Variants in OGDH observed in about 807,000 individuals in gnomAD.
OGDH encodes the protein 2-oxoglutarate dehydrogenase complex component E1.
In OGDH, 38 loss-of-function variants were observed where a neutral mutation model predicts 116.6. The observed-to-expected ratio is 0.33, with a 90% CI of 0.25 to 0.43. The LOEUF is 0.43. Among genes scored for constraint, OGDH ranks in the 20% least tolerant of loss-of-function variants. The pLI is 1.00. For missense variants in OGDH, 825 were observed against 1,357.2 expected (o/e 0.61, Z 6.16); for synonymous variants, 488 against 533.3 (o/e 0.92, Z 1.17).
chr7:44,632,616 G>T (rs1033161624), intron 2 of OGDH, among the ~76,000 whole-genome samples: 13 of 145,656 alleles, frequency 8.9e-5, no homozygotes, highest in East Asian at 2.6e-4. Context: ...GTTTTTTGTT[G>T]TTGTTGTTAT....
intron 9 of OGDH, chr7:44,676,614 G>GTA (rs71858267): frequency 0.039 from 5,076 of 130,864 alleles, 104 homozygotes; most frequent in Non-Finnish European, 0.048. Context: ...GTGTGTGTGT[G>GTA]TATATATATA....
intron 10 of OGDH, among the ~76,000 whole-genome samples, chr7:44,685,262 C>G (rs748223254): frequency 2.6e-5 from 4 of 152,168 alleles, no homozygotes; most frequent in Non-Finnish European, 5.9e-5. Flanking sequence ...AACATGAACT[C>G]CGAGTCCTTG....
intron 19 of OGDH, among the ~76,000 whole-genome samples, chr7:44,701,278 A>AGG (rs1157126022): frequency 6.6e-6 from 1 of 152,176 alleles, no homozygotes; most frequent in Non-Finnish European, 1.5e-5. Context: ...ACAGAGAAGC[A>AGG]GGGAAGGGAG....
intron 2 of OGDH, among the ~76,000 whole-genome samples, chr7:44,644,594 C>T (rs1585274945): frequency 1.3e-5 from 2 of 152,180 alleles, no homozygotes; most frequent in East Asian, 3.8e-4. Context: ...CACTAAGAGC[C>T]TACCTCTTGA....
chr7:44,675,854 G>A (rs138295473), intron 8 of OGDH, 116 bp from the exon 9 acceptor site: 52,638 of 1,072,900 alleles, frequency 0.049, 1,460 homozygotes, highest in East Asian at 0.069. Context: ...TCCAACCTGG[G>A]CAACAAGAGC....
chr7:44,701,781 G>T (rs776494562), intron 20 of OGDH, among the ~76,000 whole-genome samples, 166 bp downstream of exon 20: 1 of 152,144 alleles, frequency 6.6e-6, no homozygotes, highest in Middle Eastern at 3.2e-3. Flanking sequence ...AGTGGCTCAC[G>T]CCTGTAATCC....
chr7:44,614,740 A>G (rs1180076664), intron 1 of OGDH, among the ~76,000 whole-genome samples: 1 of 151,936 alleles, frequency 6.6e-6, no homozygotes, highest in African/African-American at 2.4e-5. Context: ...CCTCTTTTAG[A>G]ATCTTTGTCA....
At position 44,624,312 on chromosome 7, in the gene OGDH, T is replaced by TTTCA; in HGVS notation, c.-27-5_-27-4insTTCA. 2 of 1,255,816 alleles carry TTTCA rather than the reference T, an allele frequency of 1.6e-6. No individual in the cohort carries two copies. Among genetic ancestry groups the TTTCA allele is most frequent in the Non-Finnish European group, 2.2e-6 (2 of 905,954 alleles). The allele number at this position is 1,255,816 out of a possible 1,614,324, so 77.8% of individuals were successfully genotyped here. A position where few individuals can be genotyped will look rare whatever the true frequency, so the allele number is the denominator to read the frequency against. ...TCTTGTTTTTTTTTTTTTTTTTTTGTACAGGCAGTTGTGAAAAACTTCAGG... is the reference window on the plus strand; with the variant it reads ...TCTTGTTTTTTTTTTTTTTTTTTTGTTTCAACAGGCAGTTGTGAAAAACTTCAGG... On this transcript the variant is annotated splice_region_variant and splice_polypyrimidine_tract_variant and intron_variant, in intron 1 of 22. Transcript: ENST00000222673.
chr7:44,699,445 A>G (rs924702557), intron 18 of OGDH, among the ~76,000 whole-genome samples: 3 of 151,838 alleles, frequency 2.0e-5, no homozygotes, highest in Admixed American at 2.0e-4. Context: ...AAAAAAAAAA[A>G]AAAACTCAAA....
chr7:44,651,244 T>A (rs182043084), intron 4 of OGDH, among the ~76,000 whole-genome samples: 2 of 152,352 alleles, frequency 1.3e-5, no homozygotes, highest in Admixed American at 1.3e-4. Flanking sequence ...GTGGAATATA[T>A]GCTATAGTTT....
intron 5 of OGDH, among the ~76,000 whole-genome samples, chr7:44,667,879 A>G (rs1787253359): frequency 1.3e-5 from 2 of 152,180 alleles, no homozygotes; most frequent in African/African-American, 4.8e-5. Flanking sequence ...GGTCCTGCCT[A>G]TCATGCAGAG....
At chr7:44,703,329 A>AC (rs577872885) in intron 20 of OGDH, among the ~76,000 whole-genome samples, 234 of 151,882 alleles carry the variant, frequency 1.5e-3, no homozygotes, top group African/African-American at 4.9e-3. Flanking sequence ...AATTGCTTGA[A>AC]CCCGGGAGGC....
At chr7:44,610,926 G>A (rs943486183) in intron 1 of OGDH, among the ~76,000 whole-genome samples, 3 of 152,064 alleles carry the variant, frequency 2.0e-5, no homozygotes, top group Non-Finnish European at 4.4e-5. Context: ...TCTTCTTAAC[G>A]GGGTCTTTTG....
At chr7:44,619,910 A>G (rs1284796666) in intron 1 of OGDH, among the ~76,000 whole-genome samples, 1 of 152,176 alleles carries the variant, frequency 6.6e-6, no homozygotes, top group Non-Finnish European at 1.5e-5. Context: ...CTGTTGCATT[A>G]TGAGAGTTCT....
chr7:44,608,160 T>A (rs926750060), intron 1 of OGDH, among the ~76,000 whole-genome samples: 1 of 152,162 alleles, frequency 6.6e-6, no homozygotes, highest in East Asian at 1.9e-4. Flanking sequence ...CCCCACACTT[T>A]GGGAGTGTGA....
intron 2 of OGDH, among the ~76,000 whole-genome samples, chr7:44,640,045 C>T (rs1291309327): frequency 1.3e-5 from 2 of 152,232 alleles, no homozygotes. Context: ...ATCGCCCTGT[C>T]TCCAGGGCCT....
chr7:44,633,444 G>A (rs1562626259), intron 2 of OGDH, among the ~76,000 whole-genome samples: 3 of 152,028 alleles, frequency 2.0e-5, no homozygotes, highest in Admixed American at 6.6e-5. Flanking sequence ...GCTGGGTGGC[G>A]GTGAGAAATT....
intron 9 of OGDH, among the ~76,000 whole-genome samples, chr7:44,679,514 GCA>G (rs1787839209): frequency 6.6e-6 from 1 of 152,154 alleles, no homozygotes; most frequent in East Asian, 1.9e-4. Context: ...GGATGACTCA[GCA>G]CAGCGCTGAG....
chr7:44,616,594 T>C (rs1784776514), intron 1 of OGDH, among the ~76,000 whole-genome samples: 1 of 150,188 alleles, frequency 6.7e-6, no homozygotes, highest in African/African-American at 2.5e-5. Context: ...GTTTGCCTTT[T>C]TTCCTAGGCT....
Sources: allele counts gnomAD v4.1 joint callset (sites outside exome capture counted in the v4.1 genomes callset), GRCh38; gene constraint gnomAD v4.1.1; transcripts MANE v1.5; gene names NCBI Gene and HGNC (gene_info 2026-07-23, HGNC 2026-07-21).